Variants in RPP14 observed in about 807,000 individuals in gnomAD.
RPP14 encodes ribonuclease P/MRP subunit p14, also known as ribonuclease P protein subunit p14.
RPP14 carries 19 observed loss-of-function variants against 17.8 expected under a neutral mutation model. The ratio of observed to expected loss-of-function variants is 1.07; its 90% CI spans 0.74 to 1.57. The LOEUF (loss-of-function observed/expected upper bound fraction) is 1.57, where lower values mean the gene tolerates loss of function less well. RPP14 is among the 40% of genes most tolerant of loss of function. The probability of loss-of-function intolerance (pLI) is 0.00; values close to 1 mark genes in which losing one functional copy is unlikely to be tolerated. For synonymous variants in RPP14, 60 were observed against 56.4 expected (o/e 1.06, Z -0.29); for missense variants, 125 against 140.8 (o/e 0.89, Z 0.57).
rs1157936569 is a variant in RPP14, at chr3:58,315,091, G to T, written c.163-1424G>T. 2.6e-5 allele frequency among the ~76,000 whole-genome samples: 4 copies of T among 152,050 alleles called. No homozygotes were observed. The East Asian group carries it at 7.7e-4, about 29-fold the overall frequency. On this transcript the variant is annotated intron_variant, in intron 3 of 5. Transcript: ENST00000295959. ...AAAACTTAAGTTCACACAAAAGCCT[G>T]TACATGAATATTCATAGCAGCTTTA...
chr3:58,318,016 C>T lies in RPP14; in HGVS notation c.*520C>T, dbSNP rs1307605089. The T allele has an allele frequency of 4.3e-6, 3 of 702,750 alleles. No individual in the cohort carries two copies. Among genetic ancestry groups the T allele is most frequent in the Middle Eastern group, 2.3e-4 (1 of 4,370 alleles). The allele number at this position is 702,750 out of a possible 1,614,324, so 43.5% of individuals were successfully genotyped here. ...TTCTGCAGAAGTGAAAAAGCTGAAG[C>T]GGTTCATTGCTATTATTGCAGTGTC... is the stretch of plus-strand genomic sequence containing the variant. On this transcript the variant is annotated 3_prime_UTR_variant, in exon 6 of 6. Transcript: ENST00000295959.
intron 3 of RPP14, 121 bp from the exon 4 acceptor site, chr3:58,316,394 A>G (rs545800070): frequency 9.2e-6 from 8 of 866,830 alleles, no homozygotes; most frequent in Admixed American, 3.9e-5. Context: ...TGCCAGCACC[A>G]TTAAATAAAA....
At position 58,316,930 on chromosome 3, in the gene RPP14, G is replaced by A. The variant is rs148504586; in HGVS notation, c.255G>A (p.Leu85=). The change falls in exon 5 of 6, where the codon TTG becomes TTA. Residue 85 remains leucine (L), a synonymous_variant. Coordinates refer to ENST00000295959, the MANE Select transcript of RPP14 (RefSeq NM_007042.6). The stretch of plus-strand genomic sequence containing the variant: ...CTTTCTGCAGTGGTCTTGTCAAATT[G>A]TGGAGCTCTTTGACCCTGTTAGGAT... ...LRICSSGLVK[L]WSSLTLLGSY... The A allele has an allele frequency of 1.2e-6, 2 of 1,613,784 alleles. No homozygotes were observed. Among genetic ancestry groups the A allele is most frequent in the African/African-American group, 1.3e-5 (1 of 75,038 alleles).
rs982778931 is a variant in RPP14 at position 58,320,134 on chromosome 3, C to T, written c.*2638C>T. On this transcript the variant is annotated 3_prime_UTR_variant, in exon 6 of 6. Coordinates refer to ENST00000295959, the MANE Select transcript of RPP14 (RefSeq NM_007042.6). ...TTTTCAGGGTTCATCCATGTTACAG[C>T]ATGTATCAGTACATCATTTTATTTT... 6 of 152,058 alleles carry T rather than the reference C, an allele frequency of 3.9e-5. No homozygotes were observed. Among genetic ancestry groups the T allele is most frequent in the Non-Finnish European group, 7.4e-5 (5 of 68,008 alleles). The allele number at this position is 152,058 out of a possible 1,614,324, so 9.4% of individuals were successfully genotyped here.
At chr3:58,312,608 A>C (rs2097483535) in intron 3 of RPP14, among the ~76,000 whole-genome samples, 2 of 152,182 alleles carry the variant, frequency 1.3e-5, no homozygotes, top group South Asian at 4.1e-4. Context: ...GGCACCTGCA[A>C]ACTCTTTTCC....
chr3:58,308,067 TAAA>T (rs10576231), intron 1 of RPP14: 10,552 of 152,096 alleles, frequency 0.069, 469 homozygotes, highest in Middle Eastern at 0.088. Context: ...GCAGTAACAC[TAAA>T]AAACATTTAT....
intron 3 of RPP14, among the ~76,000 whole-genome samples, chr3:58,313,020 T>G (rs2097484061): frequency 6.7e-6 from 1 of 149,774 alleles, no homozygotes; most frequent in South Asian, 2.1e-4. Context: ...TCCTAGCACT[T>G]TGGGAGGCCA....
chr3:58,313,686 G>A (rs1031793545), intron 3 of RPP14, among the ~76,000 whole-genome samples: 5 of 152,210 alleles, frequency 3.3e-5, no homozygotes, highest in Non-Finnish European at 5.9e-5. Flanking sequence ...TGAGCTGGGT[G>A]TGGTGGTGTG....
intron 1 of RPP14, among the ~76,000 whole-genome samples, chr3:58,307,376 C>A (rs1225819545): frequency 6.6e-6 from 1 of 152,154 alleles, no homozygotes; most frequent in Non-Finnish European, 1.5e-5. Context: ...TAGGGAGAAT[C>A]AGATTTATTA....
intron 1 of RPP14, chr3:58,307,910 A>T (rs76527737): frequency 6.7e-6 from 1 of 148,790 alleles, no homozygotes; most frequent in East Asian, 2.0e-4. Context: ...CATAAAATTT[A>T]TCGTAAGTAG....
chr3:58,310,582 G>A lies in RPP14; in HGVS notation c.153G>A (p.Leu51=), dbSNP rs1171682873. The A allele has an allele frequency of 6.2e-7, 1 of 1,611,468 alleles. No homozygotes were observed. The highest frequency in any genetic ancestry group is 8.5e-7 in the Non-Finnish European group (1 of 1,178,994). ...TGCTTATTTCGGCTGTGAAGGACCT[G>A]TTTGGGGAGGTATGGAATCACTTGG... The part of the protein sequence containing the change: ...KQLLISAVKD[L]FGEVDAALPL... Residue 51 remains leucine, a synonymous_variant, in exon 3 of 6, where the codon CTG becomes CTA. Transcript: ENST00000295959.
intron 3 of RPP14, among the ~76,000 whole-genome samples, chr3:58,311,079 A>G (rs917741913): frequency 2.0e-5 from 3 of 151,660 alleles, no homozygotes; most frequent in Admixed American, 6.6e-5. Context: ...CTACCCTCCT[A>G]CCCTTCCCAG....
At position 58,318,066 on chromosome 3, in the gene RPP14, G is replaced by C; in HGVS notation, c.*570G>C. 1.5e-6 allele frequency: 1 copy of C among 685,850 alleles called. No individual in the cohort carries two copies. The highest frequency in any genetic ancestry group is 1.6e-5 in the South Asian group (1 of 64,088). The allele number at this position is 685,850 out of a possible 1,614,324, so 42.5% of individuals were successfully genotyped here. ...CATGTTCTGTAATAGAAAGTAAAAAGACTGTTATGGAAGGCTGGGTTAAAG... is the reference window on the plus strand; with the variant it reads ...CATGTTCTGTAATAGAAAGTAAAAACACTGTTATGGAAGGCTGGGTTAAAG... On this transcript the variant is annotated 3_prime_UTR_variant, in exon 6 of 6. Coordinates refer to ENST00000295959, the MANE Select transcript of RPP14 (RefSeq NM_007042.6).
chr3:58,317,797 G>T lies in RPP14; in HGVS notation c.*301G>T. Reference sequence around the variant, plus strand: ...GGCTACCTTCTCAGAATTAACAGGGGATGTCAATCCTTTGCATTTGAATGA... The same window carrying T: ...GGCTACCTTCTCAGAATTAACAGGGTATGTCAATCCTTTGCATTTGAATGA... On this transcript the variant is annotated 3_prime_UTR_variant, in exon 6 of 6. Coordinates refer to ENST00000295959, the MANE Select transcript of RPP14 (RefSeq NM_007042.6). 1.4e-6 allele frequency: 1 copy of T among 703,054 alleles called. No individual in the cohort carries two copies. Among genetic ancestry groups the T allele is most frequent in the Non-Finnish European group, 2.6e-6 (1 of 385,006 alleles). 43.6% of individuals were successfully genotyped at this position (703,054 alleles called of 1,614,324 possible). A position where few individuals can be genotyped will look rare whatever the true frequency, so the allele number is the denominator to read the frequency against.
chr3:58,313,119 C>T (rs1447441244), intron 3 of RPP14, among the ~76,000 whole-genome samples: 2 of 151,788 alleles, frequency 1.3e-5, no homozygotes, highest in Non-Finnish European at 2.9e-5. Flanking sequence ...AAAAGCCGGG[C>T]GCAGCGGCGG....
intron 3 of RPP14, among the ~76,000 whole-genome samples, chr3:58,313,068 C>T (rs2097484127): frequency 6.6e-6 from 1 of 151,806 alleles, no homozygotes; most frequent in South Asian, 2.1e-4. Flanking sequence ...TCAAGACCAT[C>T]CTGGCTAACA....
Position 58,310,321 on chromosome 3 carries a change from C to T in RPP14, c.-9C>T, listed in dbSNP as rs772340732. ...TGACTTACTGTAGGTGTGATCAGCA[C>T]TGGAAAAGATGCCTGCCCCTGCTGC... On this transcript the variant is annotated 5_prime_UTR_variant, in exon 2 of 6. Transcript: ENST00000295959. 1 of 1,613,526 alleles carries T rather than the reference C, an allele frequency of 6.2e-7. No individual in the cohort carries two copies. Among genetic ancestry groups the T allele is most frequent in the Non-Finnish European group, 8.5e-7 (1 of 1,179,450 alleles).
In RPP14 at chr3:58,317,535, CAT is replaced by C. The variant is rs2097489600; in HGVS notation, c.*42_*43del. ...CATTTTGGAAACGTTCATCCACTCT[CAT>C]ATTTATTTTTTGGTGCCTGCATGTT... On this transcript the variant is annotated 3_prime_UTR_variant, in exon 6 of 6. Transcript: ENST00000295959. 11 of 1,388,376 alleles carry C rather than the reference CAT, an allele frequency of 7.9e-6. No homozygotes were observed. Among genetic ancestry groups the C allele is most frequent in the East Asian group, 2.3e-5 (1 of 43,838 alleles). The allele number at this position is 1,388,376 out of a possible 1,614,324, so 86.0% of individuals were successfully genotyped here.
Position 58,316,594 on chromosome 3 carries a change from A to T in RPP14, c.239+3A>T, listed in dbSNP as rs898680801. 1.4e-5 allele frequency: 22 copies of T among 1,612,500 alleles called. No homozygotes were observed. Among genetic ancestry groups the T allele is most frequent in the Non-Finnish European group, 1.4e-5 (16 of 1,178,674 alleles). ...GCCATCTTGAGAATATGTAGCAGGT[A>T]TGACAGAGAGTGGGAAATTTCTAGT... is the stretch of plus-strand genomic sequence containing the variant. On this transcript the variant is annotated splice_donor_region_variant and intron_variant, in intron 4 of 5. Transcript: ENST00000295959.
Sources: gnomAD v4.1 joint callset for allele counts (sites outside exome capture counted in the v4.1 genomes callset) on GRCh38, gnomAD v4.1.1 for gene constraint, MANE v1.5 for transcripts, NCBI Gene and HGNC (gene_info 2026-07-23, HGNC 2026-07-21) for gene names.